The following RGS7BP variants were observed in gnomAD, a reference collection of about 807,000 sequenced individuals.
RGS7BP encodes the protein regulator of G protein signaling 7 binding protein.
Under a neutral mutation model 31.3 loss-of-function variants are expected in RGS7BP, and 9 were observed. That is an observed-to-expected ratio of 0.29 (90% CI 0.17 to 0.50). The LOEUF is 0.50. RGS7BP is among the 20% of genes least tolerant of loss of function. RGS7BP has a pLI of 0.98. For synonymous variants in RGS7BP, 115 were observed against 120.1 expected, an observed-to-expected ratio of 0.96 and a Z score of 0.28; for missense variants, 274 against 322.0, an observed-to-expected ratio of 0.85 and a Z score of 1.14.
intron 2 of RGS7BP, among the ~76,000 whole-genome samples, chr5:64,511,531 G>A (rs188850532): frequency 2.0e-5 from 3 of 152,236 alleles, no homozygotes; most frequent in East Asian, 1.9e-4. Flanking sequence ...AAAGACAGTC[G>A]CAGTGGCATA....
At chr5:64,556,259 T>G (rs1741919815) in intron 2 of RGS7BP, among the ~76,000 whole-genome samples, 1 of 151,598 alleles carries the variant, frequency 6.6e-6, no homozygotes, top group Non-Finnish European at 1.5e-5. Flanking sequence ...CTGAGTATTT[T>G]TATGTCATTA....
chr5:64,515,834 A>T (rs971443233), intron 2 of RGS7BP, among the ~76,000 whole-genome samples: 13 of 150,838 alleles, frequency 8.6e-5, no homozygotes, highest in Admixed American at 1.3e-4. Flanking sequence ...AAATAATAAT[A>T]ATTATTATTA....
intron 2 of RGS7BP, among the ~76,000 whole-genome samples, chr5:64,531,746 G>A (rs1749375774): frequency 6.6e-6 from 1 of 152,208 alleles, no homozygotes; most frequent in Non-Finnish European, 1.5e-5. Context: ...TTGTGCACAT[G>A]TATGGTAGGC....
intron 2 of RGS7BP, among the ~76,000 whole-genome samples, chr5:64,575,298 A>AT (rs1742390503): frequency 6.6e-6 from 1 of 152,202 alleles, no homozygotes; most frequent in South Asian, 2.1e-4. Flanking sequence ...AGACTGAGAC[A>AT]AAAAACCTTG....
intron 3 of RGS7BP, among the ~76,000 whole-genome samples, chr5:64,578,888 G>A (rs933387773): frequency 1.3e-5 from 2 of 152,112 alleles, no homozygotes; most frequent in African/African-American, 2.4e-5. Context: ...CAAATTCTTA[G>A]TCCTCACCCT....
intron 2 of RGS7BP, among the ~76,000 whole-genome samples, chr5:64,566,385 T>TGA (rs952914376): frequency 2.0e-5 from 3 of 151,882 alleles, no homozygotes; most frequent in Non-Finnish European, 4.4e-5. Flanking sequence ...CAGTACACCC[T>TGA]GAGAGAGAGA....
At position 64,584,383 on chromosome 5, in the gene RGS7BP, A is replaced by G. The variant is rs532155377; in HGVS notation, c.463+8479A>G. Among the ~76,000 whole-genome samples, 6 of 152,360 alleles carry G rather than the reference A, an allele frequency of 3.9e-5. No homozygotes were observed. The South Asian group carries it at 1.2e-3, about 32-fold the overall frequency. ...TTAATTCTAAGAAACTATTACATAT[A>G]GTAAAAGTAAATAAATAAAATGAAA... On this transcript the variant is annotated intron_variant, in intron 3 of 5. Coordinates refer to ENST00000334025, the MANE Select transcript of RGS7BP (RefSeq NM_001029875.3).
intron 2 of RGS7BP, among the ~76,000 whole-genome samples, chr5:64,568,728 ATT>A (rs1742228780): frequency 6.7e-6 from 1 of 149,778 alleles, no homozygotes; most frequent in Non-Finnish European, 1.5e-5. Context: ...TAATAGTAGT[ATT>A]TTTAGTCTTA....
At chr5:64,543,414 C>A (rs2111816669) in intron 2 of RGS7BP, among the ~76,000 whole-genome samples, 1 of 152,306 alleles carries the variant, frequency 6.6e-6, no homozygotes, top group Non-Finnish European at 1.5e-5. Context: ...ATGGGAAGGA[C>A]AAGCATAAGG....
intron 3 of RGS7BP, among the ~76,000 whole-genome samples, chr5:64,592,515 T>C (rs760621723): frequency 7.2e-5 from 11 of 152,134 alleles, no homozygotes; most frequent in Non-Finnish European, 1.3e-4. Context: ...TGTTGTCAAC[T>C]AGATCCCATT....
chr5:64,551,387 C>G (rs1305750604), intron 2 of RGS7BP, among the ~76,000 whole-genome samples: 1 of 151,410 alleles, frequency 6.6e-6, no homozygotes, highest in African/African-American at 2.4e-5. Context: ...CTCAGCCTCC[C>G]GAGTGGCTGG....
At chr5:64,564,107 G>T (rs1476646146) in intron 2 of RGS7BP, among the ~76,000 whole-genome samples, 1 of 152,130 alleles carries the variant, frequency 6.6e-6, no homozygotes, top group South Asian at 2.1e-4. Flanking sequence ...AGCCAAGATT[G>T]AAGTGGTTAT....
chr5:64,609,196 C>T lies in RGS7BP; in HGVS notation c.718C>T (p.Leu240=). The change falls in exon 6 of 6, where the codon CTG becomes TTG. Residue 240 remains leucine (L), a synonymous_variant. Coordinates refer to ENST00000334025, the MANE Select transcript of RGS7BP (RefSeq NM_001029875.3). ...SSLLNLTPYP[L]VRRRKRRFFG... ...CCTTCTGAATCTAACTCCCTACCCC[C>T]TGGTGAGAAGACGGAAGAGAAGGTT... is the stretch of plus-strand genomic sequence containing the variant. 1 of 1,611,742 alleles carries T rather than the reference C, an allele frequency of 6.2e-7. No homozygotes were observed. Among genetic ancestry groups the T allele is most frequent in the Non-Finnish European group, 8.5e-7 (1 of 1,178,164 alleles).
In RGS7BP at chr5:64,567,337, T is replaced by C. The variant is rs138632070; in HGVS notation, c.333-8437T>C. Among the ~76,000 whole-genome samples the C allele has an allele frequency of 5.6e-3, 855 of 152,264 alleles. 6 individuals are homozygous for C. The highest frequency in any genetic ancestry group is 0.016 in the African/African-American group (682 of 41,554). ...TCAACAATCGGGTATTCTATAACTA[T>C]ACAACTTGTCATAATTAATTATTAA... On this transcript the variant is annotated intron_variant, in intron 2 of 5. Transcript: ENST00000334025.
At chr5:64,575,381 C>T (rs1368879665) in intron 2 of RGS7BP, among the ~76,000 whole-genome samples, 1 of 152,158 alleles carries the variant, frequency 6.6e-6, no homozygotes, top group Non-Finnish European at 1.5e-5. Flanking sequence ...TGTCTTACAA[C>T]TGGTAATTGA....
At chr5:64,550,194 G>A (rs1332711934) in intron 2 of RGS7BP, among the ~76,000 whole-genome samples, 1 of 152,138 alleles carries the variant, frequency 6.6e-6, no homozygotes, top group Non-Finnish European at 1.5e-5. Context: ...TGCTCTGACT[G>A]CCATAACAAA....
At chr5:64,602,623 C>A (rs1743248248) in intron 5 of RGS7BP, among the ~76,000 whole-genome samples, 1 of 152,142 alleles carries the variant, frequency 6.6e-6, no homozygotes, top group Non-Finnish European at 1.5e-5. Context: ...TGGGAATCAC[C>A]TAGGAAACTT....
At chr5:64,586,283 C>A (rs1004251221) in intron 3 of RGS7BP, among the ~76,000 whole-genome samples, 1 of 152,086 alleles carries the variant, frequency 6.6e-6, no homozygotes, top group Non-Finnish European at 1.5e-5. Context: ...GAAAACCTCT[C>A]CAGTCTCATA....
chr5:64,572,488 C>T (rs988123701), intron 2 of RGS7BP, among the ~76,000 whole-genome samples: 2 of 152,120 alleles, frequency 1.3e-5, no homozygotes, highest in Non-Finnish European at 2.9e-5. Flanking sequence ...TTAGTCTAGG[C>T]ATCATGAAAC....
Sources: gnomAD v4.1 joint callset for allele counts (sites outside exome capture counted in the v4.1 genomes callset) on GRCh38, gnomAD v4.1.1 for gene constraint, MANE v1.5 for transcripts, NCBI Gene and HGNC (gene_info 2026-07-23, HGNC 2026-07-21) for gene names.